The following GFRAL variants were observed in gnomAD, a reference collection of about 807,000 sequenced individuals.
The protein encoded by GFRAL is GDNF family receptor alpha-like.
In GFRAL, 36 loss-of-function variants were observed where a neutral mutation model predicts 45.4. That is an observed-to-expected ratio of 0.79 (90% CI 0.61 to 1.05). The LOEUF (loss-of-function observed/expected upper bound fraction) is 1.05, where lower values mean the gene tolerates loss of function less well. Ranked by LOEUF, GFRAL falls within the 50% of genes least tolerant of loss-of-function variation. GFRAL has a pLI of 0.00. For missense variants in GFRAL, 507 were observed against 467.5 expected (o/e 1.08, Z -0.78); for synonymous variants, 166 against 154.1 (o/e 1.08, Z -0.57).
At chr6:55,327,982 G>T (rs551303214) in intron 1 of GFRAL, among the ~76,000 whole-genome samples, 3 of 151,714 alleles carry the variant, frequency 2.0e-5, no homozygotes, top group South Asian at 2.1e-4. Flanking sequence ...TATTTATTTT[G>T]CTTTGAAATT....
rs1768112761 is a variant in GFRAL, at chr6:55,351,295, G to A, written c.413G>A (p.Cys138Tyr). ...MWSCLEVAEA[C>Y]VGDVVCNAQL... ...TCCTGTTTGGAAGTGGCAGAGGCAT[G>A]TGTAGGGGATGTGGTCTGTAATGCA... The change falls in exon 5 of 9, where the codon TGT (cysteine) becomes TAT (tyrosine). Residue 138 changes from cysteine to tyrosine, a missense_variant. Physicochemically the swap from Cys to Tyr is radical, Grantham distance 194. Transcript: ENST00000340465. The A allele has an allele frequency of 6.2e-7, 1 of 1,610,466 alleles. No homozygotes were observed.
rs201803352 is a variant in GFRAL, at chr6:55,399,197, A to G, written c.970A>G (p.Asn324Asp). Residue 324 changes from asparagine (N) to aspartate (D), a missense_variant, in exon 7 of 9, where the codon AAT (asparagine) becomes GAT (aspartate). Coordinates refer to ENST00000340465, the MANE Select transcript of GFRAL (RefSeq NM_207410.2). ...KSCFNYPTLS[N>D]VKGMALYTRK... ...TCTTTCAGATTATCCAACCCTGTCT[A>G]ATGTCAAAGGCATGGCATTGTATAC... is the stretch of plus-strand genomic sequence containing the variant. 11 of 1,585,306 alleles carry G rather than the reference A, an allele frequency of 6.9e-6. No individual in the cohort carries two copies. In the East Asian group the frequency reaches 2.0e-4, roughly 29 times the overall value.
chr6:55,382,419 T>C (rs1373649082), intron 6 of GFRAL, among the ~76,000 whole-genome samples: 1 of 152,004 alleles, frequency 6.6e-6, no homozygotes, highest in Non-Finnish European at 1.5e-5. Flanking sequence ...TGATTTATAA[T>C]AAACTCTACA....
chr6:55,350,829 A>C (rs114529270), intron 4 of GFRAL, among the ~76,000 whole-genome samples: 2,018 of 152,304 alleles, frequency 0.013, 25 homozygotes, highest in Non-Finnish European at 0.022. Flanking sequence ...GCTAGAATAA[A>C]TATGTGGAGC....
intron 3 of GFRAL, among the ~76,000 whole-genome samples, chr6:55,347,119 T>C (rs1271479252): frequency 6.6e-6 from 1 of 152,046 alleles, no homozygotes; most frequent in Non-Finnish European, 1.5e-5. Flanking sequence ...AACAAGAAAC[T>C]GTTCCTTTAT....
intron 3 of GFRAL, among the ~76,000 whole-genome samples, chr6:55,341,393 T>G (rs151026304): frequency 0.013 from 1,986 of 152,194 alleles, 22 homozygotes; most frequent in Non-Finnish European, 0.022. Context: ...AACCTCTGCT[T>G]CTGACACCCA....
chr6:55,385,855 G>A (rs571745247), intron 6 of GFRAL, among the ~76,000 whole-genome samples: 26 of 152,136 alleles, frequency 1.7e-4, no homozygotes, highest in African/African-American at 6.0e-4. Flanking sequence ...CTAGAGCTCA[G>A]GTTTCTCACA....
intron 5 of GFRAL, among the ~76,000 whole-genome samples, chr6:55,352,142 C>T (rs1768126409): frequency 6.6e-6 from 1 of 152,068 alleles, no homozygotes; most frequent in South Asian, 2.1e-4. Flanking sequence ...CCACAAGCTA[C>T]ATGGAGTTCC....
chr6:55,353,357 C>A (rs1025165462), intron 5 of GFRAL, among the ~76,000 whole-genome samples: 1 of 152,060 alleles, frequency 6.6e-6, no homozygotes, highest in East Asian at 1.9e-4. Context: ...CTCTAACTGG[C>A]AAAGTAGTTC....
At chr6:55,338,130 G>T (rs59938771) in intron 3 of GFRAL, among the ~76,000 whole-genome samples, 1 of 151,782 alleles carries the variant, frequency 6.6e-6, no homozygotes, top group African/African-American at 2.4e-5. Context: ...TCTCTCTGTC[G>T]CCCAGGCTGG....
intron 6 of GFRAL, among the ~76,000 whole-genome samples, chr6:55,383,449 T>C (rs1768638522): frequency 6.6e-6 from 1 of 152,026 alleles, no homozygotes; most frequent in Non-Finnish European, 1.5e-5. Context: ...TACTTTGTTA[T>C]ACTGTGTTTT....
chr6:55,344,770 A>G (rs1383364683), intron 3 of GFRAL, among the ~76,000 whole-genome samples: 2 of 152,218 alleles, frequency 1.3e-5, no homozygotes, highest in Non-Finnish European at 2.9e-5. Flanking sequence ...TGCAGATGAC[A>G]TGACTGTATA....
At position 55,351,585 on chromosome 6, in the gene GFRAL, TGG is replaced by T; in HGVS notation, c.701+4_701+5del. The T allele has an allele frequency of 6.3e-7, 1 of 1,593,150 alleles. No homozygotes were observed. Among genetic ancestry groups the T allele is most frequent in the Non-Finnish European group, 8.6e-7 (1 of 1,164,326 alleles). The stretch of plus-strand genomic sequence containing the variant: ...CTGCCAAAATGATGAATTATGCAGG[TGG>T]GTAAAAACACTCATACCTTACTTTC... On this transcript the variant is annotated splice_donor_region_variant and intron_variant, in intron 5 of 8. Transcript: ENST00000340465.
Position 55,359,044 on chromosome 6 carries a change from C to G in GFRAL, c.858C>G (p.Val286=), listed in dbSNP as rs1768236411. The G allele has an allele frequency of 1.2e-6, 2 of 1,612,832 alleles. No homozygotes were observed. The highest frequency in any genetic ancestry group is 1.7e-4 in the Middle Eastern group (1 of 6,054). Residue 286 remains valine (V), a synonymous_variant, in exon 6 of 9, where the codon GTC becomes GTG. Transcript: ENST00000340465. ...KAAYIDILGT[V]LQVQCTCRTI... ...CTTACATAGATATCCTTGGGACGGTCCTTCAAGTGCAATGTACCTGTAGGA... is the reference window on the plus strand; with the variant it reads ...CTTACATAGATATCCTTGGGACGGTGCTTCAAGTGCAATGTACCTGTAGGA...
intron 6 of GFRAL, among the ~76,000 whole-genome samples, chr6:55,376,384 A>T (rs549944150): frequency 2.6e-4 from 40 of 152,252 alleles, no homozygotes; most frequent in Non-Finnish European, 5.0e-4. Context: ...AGAGTAAGTT[A>T]GGGAGGAGTC....
At chr6:55,330,802 G>A (rs1026689270) in intron 1 of GFRAL, among the ~76,000 whole-genome samples, 8 of 152,130 alleles carry the variant, frequency 5.3e-5, no homozygotes, top group Admixed American at 5.2e-4. Flanking sequence ...ATCTGAATAA[G>A]GTTCTGAATA....
At chr6:55,343,586 A>C in intron 3 of GFRAL, among the ~76,000 whole-genome samples, 1 of 152,242 alleles carries the variant, frequency 6.6e-6, no homozygotes, top group South Asian at 2.1e-4. Flanking sequence ...GAAAGATCTA[A>C]AATTGACACC....
chr6:55,342,788 C>T (rs1341420249), intron 3 of GFRAL, among the ~76,000 whole-genome samples: 29 of 152,006 alleles, frequency 1.9e-4, no homozygotes, highest in Admixed American at 6.6e-4. Context: ...ACCCATCTCA[C>T]GTGCAGAGAC....
chr6:55,392,269 A>G (rs1768763058), intron 6 of GFRAL, among the ~76,000 whole-genome samples: 1 of 152,206 alleles, frequency 6.6e-6, no homozygotes, highest in Non-Finnish European at 1.5e-5. Context: ...TGGAAACTAG[A>G]TCAAGAACTT....
Sources: allele counts gnomAD v4.1 joint callset (sites outside exome capture counted in the v4.1 genomes callset), GRCh38; gene constraint gnomAD v4.1.1; transcripts MANE v1.5; gene names NCBI Gene and HGNC (gene_info 2026-07-23, HGNC 2026-07-21).